The following TGM3 variants were observed in gnomAD, a reference collection of about 807,000 sequenced individuals.
TGM3 encodes the protein protein-glutamine gamma-glutamyltransferase E.
TGM3 carries 52 observed loss-of-function variants against 73.8 expected under a neutral mutation model. The observed-to-expected ratio is 0.70, with a 90% CI of 0.56 to 0.89. TGM3 has a LOEUF of 0.89. Among genes scored for constraint, TGM3 ranks in the 40% least tolerant of loss-of-function variants. TGM3 has a pLI of 0.00. For synonymous variants in TGM3, 372 were observed against 354.9 expected (o/e 1.05, Z -0.54); for missense variants, 928 against 909.9 (o/e 1.02, Z -0.26).
Position 2,328,436 on chromosome 20 carries a change from GGAGAA to G in TGM3, c.1333+72_1333+76del. 1.3e-6 allele frequency: 2 copies of G among 1,588,138 alleles called. No homozygotes were observed. The highest frequency in any genetic ancestry group is 1.7e-6 in the Non-Finnish European group (2 of 1,166,304). ...GGGAGGATGGCTCTGAGGCTGGAGA[GGAGAA>G]AAGTCCTCACCTCCCCCGCACTGGC... On this transcript the variant is annotated intron_variant, in intron 9 of 12. Coordinates refer to ENST00000381458, the MANE Select transcript of TGM3 (RefSeq NM_003245.4). The surrounding 1 kb of genome is among the most constrained non-coding windows in gnomAD (Gnocchi z 5.2).
chr20:2,336,518 C>G (rs2084352126), intron 11 of TGM3, among the ~76,000 whole-genome samples: 1 of 151,074 alleles, frequency 6.6e-6, no homozygotes, highest in South Asian at 2.1e-4. Flanking sequence ...CCTCCTTAAG[C>G]TGTAAGCTGG....
chr20:2,335,031 T>C (rs1197751723), intron 10 of TGM3, 85 bp from the exon 11 acceptor site: 1 of 1,532,998 alleles, frequency 6.5e-7, no homozygotes, highest in Non-Finnish European at 8.9e-7. Flanking sequence ...CAGCTCACCC[T>C]GCCTTGGCTT....
At chr20:2,309,978 G>A in intron 2 of TGM3, 148 bp downstream of exon 2, 1 of 1,365,318 alleles carries the variant, frequency 7.3e-7, no homozygotes, top group Non-Finnish European at 1.0e-6. Flanking sequence ...TGGGCAAGTT[G>A]CTGTCCATCT....
rs770262543 is a variant in TGM3 at position 2,328,272 on chromosome 20, G to T, written c.1240G>T (p.Val414Leu). 10 of 1,614,188 alleles carry T rather than the reference G, an allele frequency of 6.2e-6. No homozygotes were observed. The East Asian group carries it at 8.9e-5, about 14-fold the overall frequency. Reference sequence around the variant, plus strand: ...CACTGGCAAACAGTGGAAGAATTCCGTGAACAGTCACACCATTGGCAGGTA... The same window carrying T: ...CACTGGCAAACAGTGGAAGAATTCCTTGAACAGTCACACCATTGGCAGGTA... The part of the protein sequence containing the change: ...NTTGKQWKNS[V>L]NSHTIGRYIS... Residue 414 changes from valine (V) to leucine (L), a missense_variant, in exon 9 of 13, where the codon GTG becomes TTG. Physicochemically the swap from Val to Leu is conservative, Grantham distance 32. Coordinates refer to ENST00000381458, the MANE Select transcript of TGM3 (RefSeq NM_003245.4). This position sits in a 1 kb window ranked among gnomAD's most constrained non-coding sequence, Gnocchi z 5.2.
chr20:2,321,192 C>T (rs1246554887), intron 7 of TGM3, among the ~76,000 whole-genome samples: 1 of 152,204 alleles, frequency 6.6e-6, no homozygotes, highest in Non-Finnish European at 1.5e-5. Flanking sequence ...GCACTGGACT[C>T]CGGGCACCAA....
At chr20:2,327,197 G>A (rs1214637834) in intron 8 of TGM3, among the ~76,000 whole-genome samples, 4 of 152,138 alleles carry the variant, frequency 2.6e-5, no homozygotes, top group South Asian at 2.1e-4. Context: ...TAGGCTGGGC[G>A]CAGTGGCTCA....
intron 9 of TGM3, among the ~76,000 whole-genome samples, chr20:2,330,825 G>A (rs2084316650): frequency 6.6e-6 from 1 of 151,964 alleles, no homozygotes; most frequent in African/African-American, 2.4e-5. Context: ...GGCCAACATG[G>A]TGAAACCCTG....
intron 7 of TGM3, among the ~76,000 whole-genome samples, chr20:2,325,447 C>G (rs766961080): frequency 1.9e-4 from 29 of 152,204 alleles, no homozygotes; most frequent in Admixed American, 1.6e-3. Context: ...GAAGCATACC[C>G]CGCCAGGCAG....
At chr20:2,311,372 C>G (rs1224966555) in intron 4 of TGM3, among the ~76,000 whole-genome samples, 1 of 152,128 alleles carries the variant, frequency 6.6e-6, no homozygotes, top group African/African-American at 2.4e-5. Context: ...GTGGGCAAGA[C>G]AGAACACACA....
At chr20:2,339,250 T>G (rs2084367319) in intron 11 of TGM3, among the ~76,000 whole-genome samples, 1 of 152,186 alleles carries the variant, frequency 6.6e-6, no homozygotes, top group Non-Finnish European at 1.5e-5. Context: ...GGCTGCCCTT[T>G]TCAACACCTG....
intron 11 of TGM3, 110 bp from the exon 12 acceptor site, chr20:2,339,744 T>C: frequency 2.0e-6 from 3 of 1,472,362 alleles, no homozygotes; most frequent in Non-Finnish European, 2.8e-6. Flanking sequence ...CCCTTCTTCA[T>C]CCTCAGTGAC....
At chr20:2,299,292 AT>A (rs1485156156) in intron 1 of TGM3, among the ~76,000 whole-genome samples, 1 of 151,996 alleles carries the variant, frequency 6.6e-6, no homozygotes, top group Non-Finnish European at 1.5e-5. Context: ...GAGGAATTAC[AT>A]TTTCTAATCA....
At position 2,311,087 on chromosome 20, in the gene TGM3, A is replaced by G; in HGVS notation, c.498A>G (p.Gly166=). The change falls in exon 4 of 13, where the codon GGA becomes GGG. Residue 166 remains glycine, a synonymous_variant. Transcript: ENST00000381458. The part of the protein sequence containing the change: ...VQEDAGIIFV[G]STNRIGMIGW... ...AAGATGCCGGCATCATCTTTGTGGG[A>G]AGCACAAACCGAATTGGCATGATTG... 1 of 1,614,142 alleles carries G rather than the reference A, an allele frequency of 6.2e-7. No individual in the cohort carries two copies. Among genetic ancestry groups the G allele is most frequent in the Non-Finnish European group, 8.5e-7 (1 of 1,180,002 alleles).
intron 4 of TGM3, among the ~76,000 whole-genome samples, chr20:2,311,957 C>A (rs554501796): frequency 6.6e-6 from 1 of 152,276 alleles, no homozygotes; most frequent in South Asian, 2.1e-4. Flanking sequence ...AATGCAAAGA[C>A]CTAAGGCAAG....
chr20:2,340,833 G>A lies in TGM3; in HGVS notation c.*252G>A. The A allele has an allele frequency of 1.6e-6, 1 of 624,612 alleles. No individual in the cohort carries two copies. The highest frequency in any genetic ancestry group is 3.0e-6 in the Non-Finnish European group (1 of 336,360). The allele number at this position is 624,612 out of a possible 1,614,324, so 38.7% of individuals were successfully genotyped here. A position where few individuals can be genotyped will look rare whatever the true frequency, so the allele number is the denominator to read the frequency against. ...GCTTCTCCCCAGAGCTGCCTGCTCT[G>A]TGAGCCCCACAGCCCTGCTCATTCC... On this transcript the variant is annotated 3_prime_UTR_variant, in exon 13 of 13. Coordinates refer to ENST00000381458, the MANE Select transcript of TGM3 (RefSeq NM_003245.4).
In TGM3 at chr20:2,335,000, C is replaced by T. The variant is rs544612044; in HGVS notation, c.1643-116C>T. On this transcript the variant is annotated intron_variant, in intron 10 of 12. Transcript: ENST00000381458. This position sits in a 1 kb window ranked among gnomAD's most constrained non-coding sequence, Gnocchi z 4.0. The stretch of plus-strand genomic sequence containing the variant: ...GGCCCAAGGAGGGCTCAGTCAAGCC[C>T]GGGGCTGCAGATCCTCCCACCAGCT... 29 of 1,343,254 alleles carry T rather than the reference C, an allele frequency of 2.2e-5. 1 individual carries two copies. The highest frequency in any genetic ancestry group is 9.4e-5 in the South Asian group (7 of 74,462). 83.2% of individuals were successfully genotyped at this position (1,343,254 alleles called of 1,614,324 possible).
At chr20:2,337,717 C>T (rs75469724) in intron 11 of TGM3, among the ~76,000 whole-genome samples, 1 of 140,318 alleles carries the variant, frequency 7.1e-6, no homozygotes, top group Non-Finnish European at 1.6e-5. Flanking sequence ...GAGACTCCGT[C>T]AAAAAAAAAA....
chr20:2,340,855 T>C lies in TGM3; in HGVS notation c.*274T>C. On this transcript the variant is annotated 3_prime_UTR_variant, in exon 13 of 13. Coordinates refer to ENST00000381458, the MANE Select transcript of TGM3 (RefSeq NM_003245.4). ...TCTGTGAGCCCCACAGCCCTGCTCA[T>C]TCCTCACGCCCTTCAATGCTGCAGG... 1 of 572,710 alleles carries C rather than the reference T, an allele frequency of 1.7e-6. No homozygotes were observed. 35.5% of individuals were successfully genotyped at this position (572,710 alleles called of 1,614,324 possible).
intron 1 of TGM3, among the ~76,000 whole-genome samples, chr20:2,297,569 G>A (rs2084117244): frequency 6.6e-6 from 1 of 152,194 alleles, no homozygotes; most frequent in South Asian, 2.1e-4. Context: ...CCCGCTGTGA[G>A]GCATGATTAA....
Sources: gnomAD v4.1 joint callset for allele counts (sites outside exome capture counted in the v4.1 genomes callset) on GRCh38, gnomAD v4.1.1 for gene constraint, Gnocchi (gnomAD v3.1) non-coding constraint, MANE v1.5 for transcripts, NCBI Gene and HGNC (gene_info 2026-07-23, HGNC 2026-07-21) for gene names.